The following SMG7 variants were observed in gnomAD, a reference collection of about 807,000 sequenced individuals.
The protein encoded by SMG7 is SMG7 nonsense mediated mRNA decay factor, also known as nonsense-mediated mRNA decay factor SMG7.
A neutral mutation model predicts 148.2 loss-of-function variants in SMG7; 34 were observed. That is an observed-to-expected ratio of 0.23 (90% CI 0.17 to 0.31). The LOEUF is 0.31. Among genes scored for constraint, SMG7 ranks in the 10% least tolerant of loss-of-function variants. The pLI is 1.00. For synonymous variants in SMG7, 492 were observed against 515.1 expected (o/e 0.96, Z 0.61); for missense variants, 1,114 against 1,408.4 (o/e 0.79, Z 3.35).
chr1:183,533,846 G>T lies in SMG7; in HGVS notation c.1163+14G>T. 6.3e-7 allele frequency: 1 copy of T among 1,589,440 alleles called. No homozygotes were observed. Among genetic ancestry groups the T allele is most frequent in the Non-Finnish European group, 8.6e-7 (1 of 1,164,082 alleles). ...TGAAAGACAGTAGTAAGTATTTTTA[G>T]AATTTCATGTTAACTTGTGTGCTTT... On this transcript the variant is annotated intron_variant, in intron 10 of 22. Transcript: ENST00000688051.
intron 17 of SMG7, among the ~76,000 whole-genome samples, chr1:183,546,825 T>A (rs1348883867): frequency 6.6e-6 from 1 of 152,238 alleles, no homozygotes; most frequent in Non-Finnish European, 1.5e-5. Context: ...GATATGCTAA[T>A]CATTTTGCTC....
chr1:183,485,227 A>C (rs1655152633), intron 1 of SMG7, among the ~76,000 whole-genome samples: 1 of 152,146 alleles, frequency 6.6e-6, no homozygotes, highest in East Asian at 1.9e-4. Context: ...ATAGTTTTAT[A>C]ATCTTATTTG....
chr1:183,514,072 A>G (rs1662895708), intron 2 of SMG7, among the ~76,000 whole-genome samples: 1 of 151,830 alleles, frequency 6.6e-6, no homozygotes, highest in Non-Finnish European at 1.5e-5. Flanking sequence ...TTAAATACGA[A>G]ATTAGGAAAT....
rs1234627807 is a variant in SMG7 at position 183,541,156 on chromosome 1, A to G, written c.1415+53A>G. ...TTTTTAACCACCTTTTTAGATAAACACATGCGCGCACACGCGCGCGCACAC... is the reference window on the plus strand; with the variant it reads ...TTTTTAACCACCTTTTTAGATAAACGCATGCGCGCACACGCGCGCGCACAC... On this transcript the variant is annotated intron_variant, in intron 13 of 22. Coordinates refer to ENST00000688051, the MANE Select transcript of SMG7 (RefSeq NM_001375584.1). The G allele has an allele frequency of 4.5e-6, 7 of 1,543,198 alleles. No individual in the cohort carries two copies. The Admixed American group carries it at 1.1e-4, about 23-fold the overall frequency.
rs1666090423 is a variant in SMG7, at chr1:183,527,509, A to G, written c.485-447A>G. 2.4e-5 allele frequency: 10 copies of G among 420,428 alleles called. No homozygotes were observed. The highest frequency in any genetic ancestry group is 3.5e-5 in the Non-Finnish European group (7 of 202,320). 26.0% of individuals were successfully genotyped at this position (420,428 alleles called of 1,614,324 possible). A position where few individuals can be genotyped will look rare whatever the true frequency, so the allele number is the denominator to read the frequency against. ...CTTTAAATATAATCTTTGCACACAC[A>G]TATTTAATATTGCAATAGGAATGAG... On this transcript the variant is annotated intron_variant, in intron 5 of 22. Transcript: ENST00000688051. This position sits in a 1 kb window ranked among gnomAD's most constrained non-coding sequence, Gnocchi z 4.0.
chr1:183,483,445 A>T (rs1654658844), intron 1 of SMG7, among the ~76,000 whole-genome samples: 1 of 152,194 alleles, frequency 6.6e-6, no homozygotes, highest in Non-Finnish European at 1.5e-5. Context: ...CAACTGGAAG[A>T]TGGTATTCAA....
intron 4 of SMG7, among the ~76,000 whole-genome samples, chr1:183,525,485 A>G (rs558295639): frequency 1.3e-5 from 2 of 152,306 alleles, no homozygotes; most frequent in East Asian, 3.9e-4. Context: ...GACTCCTTTG[A>G]AGGCATTTGG....
intron 1 of SMG7, chr1:183,472,954 G>A: frequency 8.7e-6 from 3 of 345,906 alleles, no homozygotes; most frequent in Non-Finnish European, 1.6e-5. Context: ...GGGGTGGAGA[G>A]AAACGTCCGG....
intron 4 of SMG7, among the ~76,000 whole-genome samples, chr1:183,522,460 A>G (rs868792933): frequency 1.2e-4 from 18 of 152,294 alleles, no homozygotes; most frequent in African/African-American, 2.6e-4. Flanking sequence ...AAAGTGACCA[A>G]TTAGGTTTGA....
In SMG7 at chr1:183,547,221, C is replaced by T; in HGVS notation, c.2861C>T (p.Pro954Leu). ...GATCTTTACCCGGCTCTGCTGGGGC[C>T]TCTCGCCTCTCTTCCTGGACGAAGC... is the stretch of plus-strand genomic sequence containing the variant. ...PPDLYPALLG[P>L]LASLPGRSLF... Residue 954 changes from proline (P) to leucine (L), a missense_variant, in exon 18 of 23, where the codon CCT (proline) becomes CTT (leucine). Physicochemically the swap from Pro to Leu is moderately conservative, Grantham distance 98. This residue lies in a region of SMG7 where 788 missense variants were observed against 894.5 expected (regional missense o/e 0.88). Coordinates refer to ENST00000688051, the MANE Select transcript of SMG7 (RefSeq NM_001375584.1). 3.2e-6 allele frequency: 5 copies of T among 1,550,238 alleles called. No homozygotes were observed. The highest frequency in any genetic ancestry group is 4.4e-6 in the Non-Finnish European group (5 of 1,146,856).
At chr1:183,516,322 A>T (rs1312932387) in intron 3 of SMG7, among the ~76,000 whole-genome samples, 1 of 149,548 alleles carries the variant, frequency 6.7e-6, no homozygotes, top group Non-Finnish European at 1.5e-5. Flanking sequence ...GCCGCGATTT[A>T]AAAAAAAAAT....
intron 10 of SMG7, 115 bp downstream of exon 10, chr1:183,533,947 C>G (rs925734433): frequency 4.9e-5 from 41 of 830,434 alleles, no homozygotes; most frequent in Admixed American, 5.4e-5. Context: ...ACTGTATTTT[C>G]TGCCGACTCT....
At chr1:183,507,106 T>C (rs957905669) in intron 1 of SMG7, among the ~76,000 whole-genome samples, 2 of 152,130 alleles carry the variant, frequency 1.3e-5, no homozygotes, top group Non-Finnish European at 2.9e-5. Context: ...CTTGAACTCA[T>C]GACCTCAGGT....
rs1012833351 is a variant in SMG7 at position 183,502,516 on chromosome 1, G to T, written c.30-10321G>T. On this transcript the variant is annotated intron_variant, in intron 1 of 22. Coordinates refer to ENST00000688051, the MANE Select transcript of SMG7 (RefSeq NM_001375584.1). The stretch of plus-strand genomic sequence containing the variant: ...GAAACATTTGATTTTGGCCAAGATC[G>T]GGATGGGGCATGCTAAAGTTTTATT... 2.3e-5 allele frequency: 16 copies of T among 683,858 alleles called. No individual in the cohort carries two copies. In the South Asian group the frequency reaches 4.1e-4, roughly 17 times the overall value. The allele number at this position is 683,858 out of a possible 1,614,324, so 42.4% of individuals were successfully genotyped here.
chr1:183,547,645 G>A (rs1023025205), intron 18 of SMG7, among the ~76,000 whole-genome samples: 1 of 152,124 alleles, frequency 6.6e-6, no homozygotes, highest in African/African-American at 2.4e-5. Context: ...GCCAAAATAT[G>A]AAAGGAAATA....
At chr1:183,549,984 G>T in intron 20 of SMG7, 61 bp downstream of exon 20, 1 of 1,092,968 alleles carries the variant, frequency 9.1e-7, no homozygotes, top group Non-Finnish European at 1.3e-6. Context: ...TTGATTAAGG[G>T]ATAGTGAGAT....
intron 8 of SMG7, among the ~76,000 whole-genome samples, chr1:183,532,066 T>A (rs992439876): frequency 6.6e-6 from 1 of 152,154 alleles, no homozygotes; most frequent in Non-Finnish European, 1.5e-5. Flanking sequence ...GGAATTATAT[T>A]CTCTAATGAT....
intron 9 of SMG7, among the ~76,000 whole-genome samples, 153 bp from the exon 10 acceptor site, chr1:183,533,523 C>T (rs1667221929): frequency 6.6e-6 from 1 of 152,178 alleles, no homozygotes; most frequent in East Asian, 1.9e-4. Flanking sequence ...GTAACTATAA[C>T]ATTTTTAATA....
chr1:183,536,486 A>G (rs182801869), intron 10 of SMG7, among the ~76,000 whole-genome samples: 1 of 152,250 alleles, frequency 6.6e-6, no homozygotes, highest in East Asian at 1.9e-4. Flanking sequence ...ATCTGTATCC[A>G]TAATGGAAAC....
Sources: allele counts gnomAD v4.1 joint callset (sites outside exome capture counted in the v4.1 genomes callset), GRCh38; gene constraint gnomAD v4.1.1; regional missense constraint gnomAD v4.1.1; non-coding constraint Gnocchi (gnomAD v3.1); transcripts MANE v1.5; gene names NCBI Gene and HGNC (gene_info 2026-07-23, HGNC 2026-07-21).